STN1: variants seen among roughly 807,000 people sequenced by gnomAD.
STN1 encodes the protein STN1 subunit of CST complex, also known as CST complex subunit STN1.
Under a neutral mutation model 45.5 loss-of-function variants are expected in STN1, and 29 were observed. The observed-to-expected ratio is 0.64, with a 90% CI of 0.47 to 0.87. The LOEUF (loss-of-function observed/expected upper bound fraction) is 0.87. Ranked by LOEUF, STN1 falls within the 40% of genes least tolerant of loss-of-function variation. The pLI is 0.00. For synonymous variants in STN1, 148 were observed against 159.0 expected, an observed-to-expected ratio of 0.93 and a Z score of 0.52; for missense variants, 376 against 441.4, an observed-to-expected ratio of 0.85 and a Z score of 1.33.
intron 2 of STN1, among the ~76,000 whole-genome samples, chr10:103,914,363 TA>T (rs56974593): frequency 0.11 from 1,821 of 16,944 alleles, 90 homozygotes; most frequent in African/African-American, 0.16. Flanking sequence ...TATATATATA[TA>T]TATATATATA....
chr10:103,910,413 C>A, intron 3 of STN1, 114 bp downstream of exon 3: 1 of 637,534 alleles, frequency 1.6e-6, no homozygotes, highest in African/African-American at 1.8e-5. Flanking sequence ...AAAGTACATG[C>A]CCTTAGTGAG....
chr10:103,900,216 T>C lies in STN1; in HGVS notation c.303A>G (p.Pro101=), dbSNP rs17851523. Residue 101 remains proline, a synonymous_variant, in exon 5 of 10, where the codon CCA becomes CCG. Transcript: ENST00000224950. ...KLNTESVSAA[P]SAARELSLTS... ...TTAAGCTGAGCTCTCTTGCTGCACT[T>C]GGAGCAGCTGTAGTTGTTTAGAGCC... is the stretch of plus-strand genomic sequence containing the variant. 1.2e-6 allele frequency: 2 copies of C among 1,613,986 alleles called. No individual in the cohort carries two copies. Among genetic ancestry groups the C allele is most frequent in the Non-Finnish European group, 1.7e-6 (2 of 1,179,938 alleles).
chr10:103,889,695 C>CTT (rs58738841), intron 8 of STN1, among the ~76,000 whole-genome samples: 227 of 122,052 alleles, frequency 1.9e-3, no homozygotes, highest in African/African-American at 2.8e-3. Context: ...TTTCTTTTTC[C>CTT]TTTTTTTTTT....
At chr10:103,909,390 G>GTATGTA (rs1564634918) in intron 3 of STN1, among the ~76,000 whole-genome samples, 4 of 64,214 alleles carry the variant, frequency 6.2e-5, no homozygotes, top group Admixed American at 1.9e-4. Context: ...GTATATATAT[G>GTATGTA]TATATATGTA....
At chr10:103,886,337 A>G (rs961377672) in intron 9 of STN1, among the ~76,000 whole-genome samples, 4 of 152,192 alleles carry the variant, frequency 2.6e-5, no homozygotes, top group African/African-American at 9.7e-5. Context: ...AGCAAATACA[A>G]ACTGAAGTTT....
At chr10:103,898,466 A>G in intron 6 of STN1, 1 of 158,568 alleles carries the variant, frequency 6.3e-6, no homozygotes, top group Non-Finnish European at 1.4e-5. Context: ...CTATGGTATC[A>G]TATTTTGATT....
chr10:103,906,889 G>A (rs929192275), intron 3 of STN1, among the ~76,000 whole-genome samples: 5 of 152,162 alleles, frequency 3.3e-5, no homozygotes, highest in Non-Finnish European at 5.9e-5. Context: ...CTCATATGTC[G>A]ATAGTGGGAG....
chr10:103,912,780 A>G (rs112212700), intron 2 of STN1, among the ~76,000 whole-genome samples: 33 of 152,360 alleles, frequency 2.2e-4, no homozygotes, highest in Middle Eastern at 3.4e-3. Context: ...TGAGCAGAGT[A>G]AAGTTAGAGA....
At chr10:103,917,258 TAAA>T (rs5787502) in intron 2 of STN1, among the ~76,000 whole-genome samples, 353 of 90,686 alleles carry the variant, frequency 3.9e-3, no homozygotes, top group East Asian at 6.1e-3. Context: ...AAACACCTAC[TAAA>T]AAAAAAAAAA....
At chr10:103,914,640 A>T (rs998345508) in intron 2 of STN1, among the ~76,000 whole-genome samples, 8 of 151,918 alleles carry the variant, frequency 5.3e-5, no homozygotes, top group Non-Finnish European at 1.2e-4. Context: ...GGCATGAGCC[A>T]CTGTACCTGG....
At chr10:103,909,462 A>G (rs866966641) in intron 3 of STN1, among the ~76,000 whole-genome samples, 3,398 of 102,234 alleles carry the variant, frequency 0.033, 204 homozygotes, top group Non-Finnish European at 0.046. Flanking sequence ...GTATATATGT[A>G]TATATATGTA....
At position 103,897,696 on chromosome 10, in the gene STN1, G is replaced by C; in HGVS notation, c.605C>G (p.Pro202Arg). The change falls in exon 7 of 10, where the codon CCC (proline) becomes CGC (arginine). Residue 202 changes from proline to arginine, a missense_variant. By Grantham distance (103) the Pro-to-Arg change is moderately radical. Transcript: ENST00000224950. ...ALSNPGALDL[P>R]SLTSLLSEKA... The stretch of plus-strand genomic sequence containing the variant: ...TTCACTCAGCAAACTCGTGAGACTG[G>C]GGAGGTCCAGGGCGCCTGGATTGCT... The C allele has an allele frequency of 6.2e-7, 1 of 1,614,156 alleles. No homozygotes were observed. The highest frequency in any genetic ancestry group is 8.5e-7 in the Non-Finnish European group (1 of 1,180,014).
intron 9 of STN1, among the ~76,000 whole-genome samples, chr10:103,887,659 G>T (rs1319650270): frequency 6.6e-6 from 1 of 152,200 alleles, no homozygotes; most frequent in African/African-American, 2.4e-5. Context: ...AGTAGTGCCA[G>T]GTGATTGGCT....
intron 9 of STN1, among the ~76,000 whole-genome samples, chr10:103,888,218 C>CA (rs1440469780): frequency 7.2e-5 from 11 of 152,240 alleles, no homozygotes; most frequent in African/African-American, 2.7e-4. Context: ...CCCACTGACT[C>CA]AACCTGGCAC....
At chr10:103,883,038 C>T (rs138902457) in intron 9 of STN1, among the ~76,000 whole-genome samples, 197 bp from the exon 10 acceptor site, 1 of 152,362 alleles carries the variant, frequency 6.6e-6, no homozygotes, top group African/African-American at 2.4e-5. Context: ...GATGTCACCA[C>T]GGCGACATGG....
chr10:103,883,486 G>A (rs58543155), intron 9 of STN1, among the ~76,000 whole-genome samples: 67,434 of 151,726 alleles, frequency 0.44, 15,674 homozygotes, highest in Non-Finnish European at 0.5. Flanking sequence ...TGACTTAAAC[G>A]TTGGTAATGA....
At chr10:103,908,350 CT>C (rs1379001365) in intron 3 of STN1, among the ~76,000 whole-genome samples, 1 of 152,202 alleles carries the variant, frequency 6.6e-6, no homozygotes, top group African/African-American at 2.4e-5. Context: ...TGGAATGCCC[CT>C]GAATGGAGGC....
At position 103,881,207 on chromosome 10, in the gene STN1, C is replaced by T. The variant is rs1843066602; in HGVS notation, c.*1477G>A. 1.3e-5 allele frequency among the ~76,000 whole-genome samples: 2 copies of T among 152,238 alleles called. No individual in the cohort carries two copies. Among genetic ancestry groups the T allele is most frequent in the South Asian group, 4.1e-4 (2 of 4,834 alleles). Reference sequence around the variant, plus strand: ...ATACAGCAATGAACACCTTGTGCAACCATCCTTTCACACTTGTGTAGCCAT... The same window carrying T: ...ATACAGCAATGAACACCTTGTGCAATCATCCTTTCACACTTGTGTAGCCAT... On this transcript the variant is annotated 3_prime_UTR_variant, in exon 10 of 10. Transcript: ENST00000224950.
At chr10:103,895,130 T>G (rs1225667204) in intron 7 of STN1, among the ~76,000 whole-genome samples, 1 of 152,206 alleles carries the variant, frequency 6.6e-6, no homozygotes, top group Non-Finnish European at 1.5e-5. Context: ...CAGAGCAATG[T>G]GAGGGACTAA....
Sources: gnomAD v4.1 joint callset for allele counts (sites outside exome capture counted in the v4.1 genomes callset) on GRCh38, gnomAD v4.1.1 for gene constraint, MANE v1.5 for transcripts, NCBI Gene and HGNC (gene_info 2026-07-23, HGNC 2026-07-21) for gene names.